Variants in TLE2 observed in about 807,000 individuals in gnomAD.
TLE2 encodes TLE family member 2, transcriptional corepressor, also known as transducin-like enhancer protein 2.
In TLE2, 74 loss-of-function variants were observed where a neutral mutation model predicts 97.2. That is an observed-to-expected ratio of 0.76 (90% confidence interval 0.63 to 0.92). The LOEUF is 0.92. TLE2 is among the 40% of genes least tolerant of loss of function. TLE2 has a pLI of 0.00. For missense variants in TLE2, 1,038 were observed against 1,008.7 expected, an observed-to-expected ratio of 1.03 and a Z score of -0.39; for synonymous variants, 499 against 432.1, an observed-to-expected ratio of 1.15 and a Z score of -1.92.
intron 2 of TLE2, 32 bp from the exon 3 acceptor site, chr19:3,028,414 A>T (rs1599246508): frequency 1.2e-5 from 19 of 1,568,398 alleles, no homozygotes; most frequent in Non-Finnish European, 1.6e-5. Context: ...AGGGGCTCCC[A>T]CCCGCCCCAT....
intron 18 of TLE2, among the ~76,000 whole-genome samples, chr19:3,000,932 C>G (rs1451440437): frequency 1.3e-5 from 2 of 151,268 alleles, no homozygotes; most frequent in Admixed American, 1.3e-4. Flanking sequence ...CTCAAGCGCT[C>G]CTCCCAAGCA....
At chr19:3,047,188 C>T (rs1229565356), upstream of TLE2, among the ~76,000 whole-genome samples, 1 of 114,524 alleles carries the variant, frequency 8.7e-6, no homozygotes, top group Non-Finnish European at 1.8e-5. Context: ...CCCCGTCCTC[C>T]GCCTCATTAG....
chr19:3,040,304 C>T (rs2090090604), intron 1 of TLE2, among the ~76,000 whole-genome samples: 1 of 152,148 alleles, frequency 6.6e-6, no homozygotes, highest in Non-Finnish European at 1.5e-5. Flanking sequence ...TTGAACAAAC[C>T]CCTGGCCGCA....
intron 1 of TLE2, chr19:3,045,684 A>T (rs1246932955): frequency 2.4e-6 from 1 of 420,116 alleles, no homozygotes; most frequent in Non-Finnish European, 4.9e-6. Context: ...ATACAAAATT[A>T]ACCAGGTGTG....
chr19:3,009,801 T>G, intron 12 of TLE2, 99 bp from the exon 13 acceptor site: 1 of 1,450,060 alleles, frequency 6.9e-7, no homozygotes, highest in Non-Finnish European at 9.2e-7. Flanking sequence ...AGAGTTTCCA[T>G]GTGCTGGTTC....
chr19:2,998,538 A>G (rs996064816), intron 19 of TLE2, among the ~76,000 whole-genome samples: 4 of 152,028 alleles, frequency 2.6e-5, no homozygotes, highest in Admixed American at 6.6e-5. Context: ...TTGGTCTCCC[A>G]AAGTGTTGAG....
chr19:3,025,142 G>C, intron 4 of TLE2, 60 bp from the exon 5 acceptor site: 2 of 1,496,036 alleles, frequency 1.3e-6, no homozygotes, highest in Non-Finnish European at 1.8e-6. Flanking sequence ...CCCAGCTCTG[G>C]ACTCCCAGGC....
chr19:3,017,389 T>C (rs1259332389), intron 8 of TLE2, among the ~76,000 whole-genome samples: 4 of 151,736 alleles, frequency 2.6e-5, no homozygotes, highest in Admixed American at 1.3e-4. Flanking sequence ...CTGCCCACCT[T>C]GGCCTCCCAA....
chr19:3,017,989 T>G, intron 7 of TLE2, 130 bp from the exon 8 acceptor site: 3 of 724,102 alleles, frequency 4.1e-6, no homozygotes, highest in Non-Finnish European at 2.3e-6. Context: ...AGAGTCTCTC[T>G]ACCCTTCCAA....
At position 3,028,946 on chromosome 19, in the gene TLE2, A is replaced by C. The variant is rs1272175914; in HGVS notation, c.-42T>G. 1 of 1,601,958 alleles carries C rather than the reference A, an allele frequency of 6.2e-7. No individual in the cohort carries two copies. Among genetic ancestry groups the C allele is most frequent in the Non-Finnish European group, 8.5e-7 (1 of 1,175,474 alleles). On this transcript the variant is annotated 5_prime_UTR_variant, in exon 1 of 20. Transcript: ENST00000262953. The stretch of plus-strand genomic sequence containing the variant: ...GCCCCCCAGGCGCCACCAGAGCTTG[A>C]TGATATGGAGGCGGCAAGAGTGGGG...
chr19:3,014,473 A>C, intron 10 of TLE2, 97 bp downstream of exon 10: 1 of 1,178,830 alleles, frequency 8.5e-7, no homozygotes, highest in Non-Finnish European at 1.1e-6. Flanking sequence ...AGAGCGGGGA[A>C]CCAGGATCCC....
chr19:3,012,040 A>G (rs1483360612), intron 11 of TLE2, among the ~76,000 whole-genome samples: 1 of 151,968 alleles, frequency 6.6e-6, no homozygotes, highest in Non-Finnish European at 1.5e-5. Flanking sequence ...AGATCAGGAG[A>G]TCTAGACCAT....
Position 3,019,708 on chromosome 19 carries a change from G to C in TLE2, c.360C>G (p.Ser120Arg). Reference protein sequence around the residue: ...AKQVTVGELNSLIGQQLQPLS... With the variant: ...AKQVTVGELNRLIGQQLQPLS... ...GGCTAGAGAGACTCACCCCGATGAG[G>C]CTGTTCAGCTCCCCCACGGTGACCT... is the stretch of plus-strand genomic sequence containing the variant. Residue 120 changes from serine (S) to arginine (R), a missense_variant, in exon 6 of 20, where the codon AGC (serine) becomes AGG (arginine). Physicochemically the swap from Ser to Arg is moderately radical, Grantham distance 110 (BLOSUM62 -1). Coordinates refer to ENST00000262953, the MANE Select transcript of TLE2 (RefSeq NM_003260.5). The surrounding 1 kb of genome is among the most constrained non-coding windows in gnomAD (Gnocchi z 5.1). 3.1e-6 allele frequency: 5 copies of C among 1,611,082 alleles called. No homozygotes were observed. The highest frequency in any genetic ancestry group is 4.2e-6 in the Non-Finnish European group (5 of 1,178,826).
intron 14 of TLE2, among the ~76,000 whole-genome samples, chr19:3,008,616 A>G (rs1370991675): frequency 6.6e-6 from 1 of 151,918 alleles, no homozygotes; most frequent in Non-Finnish European, 1.5e-5. Context: ...ACGTCCGGCT[A>G]ATTTTTGTAT....
chr19:3,002,277 T>G, intron 18 of TLE2, 76 bp downstream of exon 18: 1 of 1,504,466 alleles, frequency 6.6e-7, no homozygotes, highest in Non-Finnish European at 8.9e-7. Flanking sequence ...GTTATTTATC[T>G]AAGATTCAGA....
upstream of TLE2, among the ~76,000 whole-genome samples, chr19:3,046,572 C>A (rs1017237097): frequency 6.7e-6 from 1 of 150,080 alleles, no homozygotes; most frequent in Non-Finnish European, 1.5e-5. Context: ...CTGACAGACA[C>A]CCCCCCACCC....
intron 1 of TLE2, among the ~76,000 whole-genome samples, chr19:3,036,043 T>G (rs2090060326): frequency 6.6e-6 from 1 of 152,124 alleles, no homozygotes; most frequent in Non-Finnish European, 1.5e-5. Context: ...CACAGATAGG[T>G]AAACTGAAGC....
intron 18 of TLE2, among the ~76,000 whole-genome samples, chr19:3,001,456 G>T (rs890476978): frequency 6.6e-6 from 1 of 151,786 alleles, no homozygotes; most frequent in African/African-American, 2.4e-5. Flanking sequence ...GATATCCCAT[G>T]TACTATTTAG....
chr19:3,028,931 C>T lies in TLE2; in HGVS notation c.-27G>A. The T allele has an allele frequency of 6.2e-7, 1 of 1,607,672 alleles. No individual in the cohort carries two copies. Among genetic ancestry groups the T allele is most frequent in the Non-Finnish European group, 8.5e-7 (1 of 1,178,272 alleles). On this transcript the variant is annotated 5_prime_UTR_variant, in exon 1 of 20. Coordinates refer to ENST00000262953, the MANE Select transcript of TLE2 (RefSeq NM_003260.5). ...CTGCCGATCCGAAAAGCCCCCCAGG[C>T]GCCACCAGAGCTTGATGATATGGAG...
Sources: gnomAD v4.1 joint callset for allele counts (sites outside exome capture counted in the v4.1 genomes callset) on GRCh38, gnomAD v4.1.1 for gene constraint, Gnocchi (gnomAD v3.1) non-coding constraint, MANE v1.5 for transcripts, NCBI Gene and HGNC (gene_info 2026-07-23, HGNC 2026-07-21) for gene names.